The following NKAIN2 variants were observed in gnomAD, a reference collection of about 807,000 sequenced individuals.
The protein encoded by NKAIN2 is sodium/potassium transporting ATPase interacting 2.
NKAIN2 carries 14 observed loss-of-function variants against 32.6 expected under a neutral mutation model. That is an observed-to-expected ratio of 0.43 (90% CI 0.28 to 0.67). NKAIN2 has a LOEUF of 0.67. Among genes scored for constraint, NKAIN2 ranks in the 30% least tolerant of loss-of-function variants. The probability of loss-of-function intolerance (pLI) is 0.17; values close to 1 mark genes in which losing one functional copy is unlikely to be tolerated. For synonymous variants in NKAIN2, 80 were observed against 87.2 expected, an observed-to-expected ratio of 0.92 and a Z score of 0.46; for missense variants, 198 against 258.3, an observed-to-expected ratio of 0.77 and a Z score of 1.60.
chr6:124,411,867 G>T (rs188221044), intron 3 of NKAIN2, among the ~76,000 whole-genome samples: 2 of 152,298 alleles, frequency 1.3e-5, no homozygotes, highest in East Asian at 3.9e-4. Flanking sequence ...ATTTCATGGA[G>T]GCTTTGTTCA....
rs577993752 is a variant in NKAIN2 at position 124,144,694 on chromosome 6, A to G, written c.55-138311A>G. 5.9e-5 allele frequency among the ~76,000 whole-genome samples: 9 copies of G among 152,292 alleles called. No homozygotes were observed. In the South Asian group the frequency reaches 1.5e-3, roughly 25 times the overall value. On this transcript the variant is annotated intron_variant, in intron 1 of 6. Coordinates refer to ENST00000368417, the MANE Select transcript of NKAIN2 (RefSeq NM_001040214.3). The stretch of plus-strand genomic sequence containing the variant: ...CTGTAAATAATTTAACATAAAGTAT[A>G]GAAGAAAATGCTCACAATCTAGGGG...
intron 1 of NKAIN2, among the ~76,000 whole-genome samples, chr6:124,135,319 A>G (rs932294135): frequency 6.6e-6 from 1 of 152,090 alleles, no homozygotes; most frequent in Non-Finnish European, 1.5e-5. Context: ...CTCCACTTAA[A>G]AGATACAGAA....
At chr6:123,843,241 A>G (rs1388139953) in intron 1 of NKAIN2, among the ~76,000 whole-genome samples, 1 of 152,184 alleles carries the variant, frequency 6.6e-6, no homozygotes, top group Non-Finnish European at 1.5e-5. Flanking sequence ...TCCAGGAAGA[A>G]TCAGGTCACA....
chr6:124,727,347 A>C (rs1265440720), intron 4 of NKAIN2, among the ~76,000 whole-genome samples: 1 of 152,212 alleles, frequency 6.6e-6, no homozygotes, highest in Admixed American at 6.5e-5. Flanking sequence ...CATCAGACTA[A>C]CAGTGGATCT....
chr6:124,099,523 T>C (rs981387403), intron 1 of NKAIN2, among the ~76,000 whole-genome samples: 3 of 152,236 alleles, frequency 2.0e-5, no homozygotes, highest in Admixed American at 6.5e-5. Context: ...GTTCCGCCTT[T>C]GCACTTTTTA....
intron 4 of NKAIN2, among the ~76,000 whole-genome samples, chr6:124,668,413 TCAA>T (rs796242710): frequency 5.9e-5 from 9 of 152,278 alleles, no homozygotes; most frequent in East Asian, 3.9e-4. Context: ...TAGCTTATCA[TCAA>T]CAACGTTATA....
At chr6:123,881,923 A>G (rs1377099354) in intron 1 of NKAIN2, among the ~76,000 whole-genome samples, 1 of 152,134 alleles carries the variant, frequency 6.6e-6, no homozygotes, top group Non-Finnish European at 1.5e-5. Context: ...ATTCAATATT[A>G]TTATTTTTAA....
intron 2 of NKAIN2, among the ~76,000 whole-genome samples, chr6:124,353,507 C>G (rs1002833326): frequency 2.0e-5 from 3 of 152,140 alleles, no homozygotes; most frequent in African/African-American, 7.2e-5. Context: ...GTAATCCCAG[C>G]ACTTTGGGAG....
chr6:124,338,991 A>C (rs868305534), intron 2 of NKAIN2, among the ~76,000 whole-genome samples: 129 of 152,342 alleles, frequency 8.5e-4, no homozygotes, highest in African/African-American at 3.0e-3. Flanking sequence ...CTGCTGTAAC[A>C]AATTACCACA....
At chr6:123,808,815 C>T (rs1364107124) in intron 1 of NKAIN2, among the ~76,000 whole-genome samples, 1 of 152,178 alleles carries the variant, frequency 6.6e-6, no homozygotes, top group Non-Finnish European at 1.5e-5. Context: ...AGGTCAGATT[C>T]TCTACTTGCC....
chr6:124,042,783 GT>G (rs1781930420), intron 1 of NKAIN2, among the ~76,000 whole-genome samples: 1 of 151,994 alleles, frequency 6.6e-6, no homozygotes. Context: ...TCAGAATAAA[GT>G]TTAAAAGTGA....
chr6:124,319,737 C>A, intron 2 of NKAIN2, among the ~76,000 whole-genome samples: 1 of 152,002 alleles, frequency 6.6e-6, no homozygotes, highest in African/African-American at 2.4e-5. Flanking sequence ...AATTTGTCCC[C>A]TCAATCTTTT....
intron 4 of NKAIN2, among the ~76,000 whole-genome samples, chr6:124,757,128 C>T (rs1043944146): frequency 1.3e-5 from 2 of 152,114 alleles, no homozygotes; most frequent in Admixed American, 6.6e-5. Flanking sequence ...TAGCAAAGAG[C>T]AACTCTGCTG....
At chr6:123,994,257 C>G (rs1369599638) in intron 1 of NKAIN2, among the ~76,000 whole-genome samples, 1 of 149,928 alleles carries the variant, frequency 6.7e-6, no homozygotes, top group African/African-American at 2.5e-5. Flanking sequence ...TACGCTTACT[C>G]TGGGGACCTT....
intron 1 of NKAIN2, among the ~76,000 whole-genome samples, chr6:124,202,000 G>A (rs1790616319): frequency 6.6e-6 from 1 of 151,884 alleles, no homozygotes; most frequent in African/African-American, 2.4e-5. Context: ...CAACAAACGT[G>A]GTTAGCTATA....
At chr6:124,265,014 A>G (rs529277349) in intron 1 of NKAIN2, among the ~76,000 whole-genome samples, 1 of 152,292 alleles carries the variant, frequency 6.6e-6, no homozygotes, top group African/African-American at 2.4e-5. Context: ...CCACATCCAA[A>G]TTATATGGAC....
intron 1 of NKAIN2, among the ~76,000 whole-genome samples, chr6:123,830,123 G>C (rs1040221991): frequency 1.3e-5 from 2 of 152,060 alleles, no homozygotes; most frequent in Non-Finnish European, 2.9e-5. Flanking sequence ...GTCTTGTGTA[G>C]TTTGCATCCT....
chr6:124,206,688 A>G (rs1790903469), intron 1 of NKAIN2, among the ~76,000 whole-genome samples: 1 of 151,836 alleles, frequency 6.6e-6, no homozygotes, highest in Non-Finnish European at 1.5e-5. Context: ...TTCACAATTT[A>G]TAGTTTTTCT....
chr6:124,171,314 C>T (rs776087244), intron 1 of NKAIN2, among the ~76,000 whole-genome samples: 11 of 151,852 alleles, frequency 7.2e-5, no homozygotes, highest in Non-Finnish European at 1.5e-4. Context: ...AATTTTAGGA[C>T]CTAGAGATTT....
Sources: gnomAD v4.1 joint callset for allele counts (sites outside exome capture counted in the v4.1 genomes callset) on GRCh38, gnomAD v4.1.1 for gene constraint, MANE v1.5 for transcripts, NCBI Gene and HGNC (gene_info 2026-07-23, HGNC 2026-07-21) for gene names.